NAV3: variants seen among roughly 807,000 people sequenced by gnomAD.
NAV3 encodes the protein neuron navigator 3, also known as pore membrane and/or filament interacting like protein 1.
In NAV3, 87 loss-of-function variants were observed where a neutral mutation model predicts 244.7. That is an observed-to-expected ratio of 0.36 (90% CI 0.30 to 0.42). The LOEUF is 0.42. Ranked by LOEUF, NAV3 falls within the 20% of genes least tolerant of loss-of-function variation. The probability of loss-of-function intolerance (pLI) is 1.00; values close to 1 mark genes in which losing one functional copy is unlikely to be tolerated. For missense variants in NAV3, 2,663 were observed against 2,893.3 expected (o/e 0.92, Z 1.83); for synonymous variants, 1,126 against 1,042.2 (o/e 1.08, Z -1.55).
At chr12:78,166,723 A>G (rs1459437965) in intron 23 of NAV3, among the ~76,000 whole-genome samples, 1 of 151,764 alleles carries the variant, frequency 6.6e-6, no homozygotes, top group Non-Finnish European at 1.5e-5. Context: ...TGAATGTTCT[A>G]CATTTTATCT....
In NAV3 at chr12:78,117,920, T is replaced by G. The variant is rs1189140977; in HGVS notation, c.2770-107T>G. 2.7e-6 allele frequency: 3 copies of G among 1,101,636 alleles called. No individual in the cohort carries two copies. The East Asian group carries it at 8.0e-5, about 29-fold the overall frequency. 68.2% of individuals were successfully genotyped at this position (1,101,636 alleles called of 1,614,324 possible). On this transcript the variant is annotated intron_variant, in intron 13 of 39. Transcript: ENST00000397909. ...AAATGTAAGTGAAGGTAAATCAAAA[T>G]AGAATCTTTGGATTTATCCAGTTAT...
At chr12:77,937,985 A>G (rs1316944493) in intron 1 of NAV3, among the ~76,000 whole-genome samples, 2 of 152,140 alleles carry the variant, frequency 1.3e-5, no homozygotes, top group Non-Finnish European at 2.9e-5. Flanking sequence ...TTTTTTTACA[A>G]GAGGAATCTG....
At position 78,188,333 on chromosome 12, in the gene NAV3, G is replaced by T; in HGVS notation, c.5876G>T (p.Arg1959Leu). The T allele has an allele frequency of 6.2e-7, 1 of 1,608,710 alleles. No homozygotes were observed. The highest frequency in any genetic ancestry group is 8.5e-7 in the Non-Finnish European group (1 of 1,175,910). The change falls in exon 32 of 40, where the codon CGT (arginine) becomes CTT (leucine). Residue 1959 changes from arginine (R) to leucine (L), a missense_variant. Arg to Leu is a moderately radical substitution (Grantham distance 102, BLOSUM62 -2). This residue lies in a region of NAV3 where 543 missense variants were observed against 672.4 expected (regional missense o/e 0.81). Coordinates refer to ENST00000397909, the MANE Select transcript of NAV3 (RefSeq NM_001024383.2). ...KWDVLDGVIR[R>L]LFKEYVFRID... ...GATGTCTTAGATGGTGTAATAAGAC[G>T]TCTCTTTAAGGTATGTTGTGCAAGA...
intron 12 of NAV3, among the ~76,000 whole-genome samples, chr12:78,063,327 C>T (rs1186380266): frequency 6.6e-6 from 1 of 152,122 alleles, no homozygotes; most frequent in East Asian, 1.9e-4. Context: ...TTCACAGATA[C>T]ATTTATAGCT....
At chr12:77,694,735 G>A (rs1875213334) in intron 2 of NAV3, among the ~76,000 whole-genome samples, 1 of 152,118 alleles carries the variant, frequency 6.6e-6, no homozygotes, top group African/African-American at 2.4e-5. Flanking sequence ...TGTGAACAAT[G>A]TCAAGACTAT....
At chr12:77,786,803 C>T (rs1168674936) in intron 2 of NAV3, among the ~76,000 whole-genome samples, 2 of 152,054 alleles carry the variant, frequency 1.3e-5, no homozygotes, top group Non-Finnish European at 2.9e-5. Context: ...CCAGTCCCAC[C>T]ACCATGAGAA....
chr12:77,623,110 G>A lies in NAV3; in HGVS notation c.72+50844G>A, dbSNP rs145476588. Reference sequence around the variant, plus strand: ...TGAATCATCAGTGTCTGTTTTGGATGTCTTGGTATAGGATGGACTGTAAAC... The same window carrying A: ...TGAATCATCAGTGTCTGTTTTGGATATCTTGGTATAGGATGGACTGTAAAC... On this transcript the variant is annotated intron_variant, in intron 2 of 8. Coordinates refer to the NAV3 transcript ENST00000550042. 6.8e-4 allele frequency among the ~76,000 whole-genome samples: 104 copies of A among 152,268 alleles called. No individual in the cohort carries two copies. In the East Asian group the frequency reaches 0.015, roughly 22 times the overall value.
At chr12:78,136,351 T>C (rs775667898) in intron 18 of NAV3, among the ~76,000 whole-genome samples, 1 of 152,262 alleles carries the variant, frequency 6.6e-6, no homozygotes, top group Non-Finnish European at 1.5e-5. Context: ...ATTTCACAAC[T>C]ATATTGTTTT....
At chr12:77,857,454 AT>A (rs755486308) in intron 1 of NAV3, among the ~76,000 whole-genome samples, 22 of 151,994 alleles carry the variant, frequency 1.4e-4, no homozygotes, top group Non-Finnish European at 2.7e-4. Flanking sequence ...TATTAAAAAA[AT>A]CTCATTAACT....
intron 5 of NAV3, among the ~76,000 whole-genome samples, chr12:77,983,755 T>C (rs1242866343): frequency 6.6e-6 from 1 of 152,168 alleles, no homozygotes. Flanking sequence ...TGAGAGAATG[T>C]TCTTTTTGTT....
intron 2 of NAV3, among the ~76,000 whole-genome samples, chr12:77,682,672 T>C (rs28873402): frequency 0.055 from 8,411 of 152,250 alleles, 536 homozygotes; most frequent in African/African-American, 0.16. Flanking sequence ...TTGTTATCAT[T>C]TGCCTTTTTT....
chr12:77,722,422 G>A (rs1187951893), intron 2 of NAV3, among the ~76,000 whole-genome samples: 1 of 152,034 alleles, frequency 6.6e-6, no homozygotes, highest in Non-Finnish European at 1.5e-5. Context: ...GATATTGTGT[G>A]TGGTAGTTTT....
chr12:77,812,005 G>A (rs1520729), intron 2 of NAV3, among the ~76,000 whole-genome samples: 148,588 of 152,310 alleles, frequency 0.98, 72,606 homozygotes, highest in East Asian at 1. Context: ...CTTCTTCATC[G>A]TATTCAGCAA....
chr12:78,174,812 A>G (rs892954477), intron 24 of NAV3, among the ~76,000 whole-genome samples: 5 of 152,004 alleles, frequency 3.3e-5, no homozygotes, highest in Admixed American at 3.3e-4. Context: ...TTATGTGCTT[A>G]CATGACTTCA....
In NAV3 at chr12:78,177,801, T is replaced by C. The variant is rs142561113; in HGVS notation, c.5363+116T>C. ...GCATTTCAACAATAAATACCTTCTC[T>C]TTCTGTTTTTTCAACTAAAATTTGG... On this transcript the variant is annotated intron_variant, in intron 28 of 39. Coordinates refer to ENST00000397909, the MANE Select transcript of NAV3 (RefSeq NM_001024383.2). The C allele has an allele frequency of 4.3e-3, 3,741 of 878,728 alleles. 19 individuals carry two copies. Among genetic ancestry groups the C allele is most frequent in the Non-Finnish European group, 4.9e-3 (2,935 of 593,722 alleles). The allele number at this position is 878,728 out of a possible 1,614,324, so 54.4% of individuals were successfully genotyped here. A position where few individuals can be genotyped will look rare whatever the true frequency, so the allele number is the denominator to read the frequency against.
chr12:78,202,432 A>T (rs182007562), intron 38 of NAV3, among the ~76,000 whole-genome samples: 14 of 152,188 alleles, frequency 9.2e-5, no homozygotes, highest in Admixed American at 3.9e-4. Flanking sequence ...AATAGTTAAA[A>T]TGCTTAGCAT....
intron 1 of NAV3, among the ~76,000 whole-genome samples, chr12:77,892,983 TC>T (rs1042307088): frequency 6.6e-6 from 1 of 152,154 alleles, no homozygotes; most frequent in African/African-American, 2.4e-5. Flanking sequence ...ATTACGAGTT[TC>T]ATGAGATTCC....
chr12:77,981,743 A>C (rs1194582444), intron 5 of NAV3, among the ~76,000 whole-genome samples: 2 of 152,052 alleles, frequency 1.3e-5, no homozygotes, highest in African/African-American at 4.8e-5. Flanking sequence ...ACTCAAACCC[A>C]AGAAATGCCT....
intron 2 of NAV3, among the ~76,000 whole-genome samples, chr12:77,772,213 A>G (rs749389430): frequency 6.6e-6 from 1 of 152,128 alleles, no homozygotes; most frequent in Non-Finnish European, 1.5e-5. Flanking sequence ...TCAAACTTAG[A>G]CCTGGCTGAT....
Sources: allele counts gnomAD v4.1 joint callset (sites outside exome capture counted in the v4.1 genomes callset), GRCh38; gene constraint gnomAD v4.1.1; regional missense constraint gnomAD v4.1.1; transcripts MANE v1.5; gene names NCBI Gene and HGNC (gene_info 2026-07-23, HGNC 2026-07-21).